CEMIP: variants seen among roughly 807,000 people sequenced by gnomAD.
CEMIP encodes cell migration inducing hyaluronidase 1.
CEMIP carries 105 observed loss-of-function variants against 156.9 expected under a neutral mutation model. The ratio of observed to expected loss-of-function variants is 0.67; its 90% confidence interval spans 0.57 to 0.79. The LOEUF is 0.79. Ranked by LOEUF, CEMIP falls within the 30% of genes least tolerant of loss-of-function variation. The pLI is 0.00. For missense variants in CEMIP, 1,457 were observed against 1,769.4 expected (o/e 0.82, Z 3.17); for synonymous variants, 676 against 668.4 (o/e 1.01, Z -0.17).
intron 14 of CEMIP, among the ~76,000 whole-genome samples, chr15:80,916,571 T>C: frequency 6.6e-6 from 1 of 152,246 alleles, no homozygotes; most frequent in Admixed American, 6.5e-5. Flanking sequence ...CTACTATTTA[T>C]GTATCTGCTA....
At chr15:80,831,304 T>C (rs1359432606) in intron 1 of CEMIP, among the ~76,000 whole-genome samples, 1 of 151,968 alleles carries the variant, frequency 6.6e-6, no homozygotes, top group Admixed American at 6.6e-5. Context: ...AGAGAAAGCA[T>C]GGGTGGCTGG....
intron 14 of CEMIP, among the ~76,000 whole-genome samples, chr15:80,916,855 T>C (rs1507662): frequency 0.73 from 111,245 of 152,010 alleles, 43,973 homozygotes; most frequent in Non-Finnish European, 0.87. Flanking sequence ...ATTCTGTGTG[T>C]CATCGTCACC....
chr15:80,780,959 C>T (rs936966661), intron 1 of CEMIP, among the ~76,000 whole-genome samples: 1 of 152,222 alleles, frequency 6.6e-6, no homozygotes, highest in Admixed American at 6.5e-5. Flanking sequence ...CCTCAGGAGT[C>T]TGTGGTTTGT....
intron 1 of CEMIP, among the ~76,000 whole-genome samples, chr15:80,798,093 C>T (rs1437507453): frequency 6.6e-6 from 1 of 151,988 alleles, no homozygotes; most frequent in African/African-American, 2.4e-5. Context: ...ACACATTTTT[C>T]CATTATATAA....
intron 1 of CEMIP, among the ~76,000 whole-genome samples, chr15:80,857,017 G>A (rs1897868904): frequency 6.6e-6 from 1 of 152,186 alleles, no homozygotes; most frequent in African/African-American, 2.4e-5. Context: ...AAACCAGAGT[G>A]GTTTCTACAA....
At position 80,873,897 on chromosome 15, in the gene CEMIP, G is replaced by T; in HGVS notation, c.18G>T (p.Arg6Ser). MGAAG[R>S]QDFLFKAMLT... is the part of the protein sequence containing the mutation. ...CTGCCAGGATGGGAGCTGCTGGGAGGCAGGACTTCCTCTTCAAGGCCATGC... is the reference window on the plus strand; with the variant it reads ...CTGCCAGGATGGGAGCTGCTGGGAGTCAGGACTTCCTCTTCAAGGCCATGC... The change falls in exon 3 of 30, where the codon AGG becomes AGT. Residue 6 changes from arginine to serine, a missense_variant. Arg to Ser is a moderately radical substitution (Grantham distance 110). Around this residue, in one of 5 missense-constraint regions of CEMIP, gnomAD observed 309 missense variants for 340.8 expected, o/e 0.91. Coordinates refer to ENST00000394685, the MANE Select transcript of CEMIP (RefSeq NM_001293298.2). The T allele has an allele frequency of 6.3e-7, 1 of 1,579,772 alleles. No individual in the cohort carries two copies. The highest frequency in any genetic ancestry group is 8.6e-7 in the Non-Finnish European group (1 of 1,161,158).
Position 80,947,008 on chromosome 15 carries a change from G to C in CEMIP, c.3901G>C (p.Gly1301Arg), listed in dbSNP as rs775476896. The C allele has an allele frequency of 6.2e-7, 1 of 1,613,970 alleles. No individual in the cohort carries two copies. The highest frequency in any genetic ancestry group is 1.3e-5 in the African/African-American group (1 of 74,918). ...MASKGRYVSR[G>R]PWTRVLEKLG... is the part of the protein sequence containing the mutation. ...ATCAAAGGGAAGATACGTCTCCAGA[G>C]GCCCATGGACCAGAGTGCTGGAAAA... Residue 1301 changes from glycine (G) to arginine (R), a missense_variant, in exon 29 of 30, where the codon GGC (glycine) becomes CGC (arginine). This residue lies in a region of CEMIP where 798 missense variants were observed against 980.1 expected (regional missense o/e 0.81). Coordinates refer to ENST00000394685, the MANE Select transcript of CEMIP (RefSeq NM_001293298.2).
chr15:80,791,588 A>C (rs1023011131), intron 1 of CEMIP, among the ~76,000 whole-genome samples: 12 of 152,110 alleles, frequency 7.9e-5, no homozygotes, highest in Admixed American at 7.2e-4. Context: ...CCCTTGAGGA[A>C]AATTTTCCGA....
chr15:80,813,614 G>A (rs1896721467), intron 1 of CEMIP, among the ~76,000 whole-genome samples: 1 of 151,950 alleles, frequency 6.6e-6, no homozygotes, highest in Non-Finnish European at 1.5e-5. Context: ...CCAAAATGCT[G>A]GGATTACAGG....
intron 1 of CEMIP, among the ~76,000 whole-genome samples, chr15:80,821,162 G>T (rs554266218): frequency 6.6e-6 from 1 of 152,210 alleles, no homozygotes; most frequent in Non-Finnish European, 1.5e-5. Flanking sequence ...GGAAATAGCT[G>T]CTGGCAGGAT....
intron 1 of CEMIP, among the ~76,000 whole-genome samples, chr15:80,853,107 G>A (rs575981690): frequency 6.6e-6 from 1 of 152,344 alleles, no homozygotes; most frequent in South Asian, 2.1e-4. Flanking sequence ...AGAAATCTAT[G>A]CAGAAAAGTG....
Position 80,839,289 on chromosome 15 carries a change from AGT to A in CEMIP, c.-175-34208_-175-34207del, listed in dbSNP as rs34172431. ...TGAAGGCTGTGGAGTCAAGGCCGTG[AGT>A]GTGTGTGTGTGTGTGTGTGTGTGTG... On this transcript the variant is annotated intron_variant, in intron 1 of 29. Transcript: ENST00000394685. 9.7e-3 allele frequency among the ~76,000 whole-genome samples: 1,271 copies of A among 131,154 alleles called. 16 individuals carry two copies. Among genetic ancestry groups the A allele is most frequent in the African/African-American group, 0.028 (914 of 32,644 alleles). The allele number at this position is 131,154 out of a possible 152,430, so 86.0% of individuals were successfully genotyped here.
intron 1 of CEMIP, among the ~76,000 whole-genome samples, chr15:80,803,124 A>G (rs1896420313): frequency 1.3e-5 from 2 of 152,150 alleles, no homozygotes; most frequent in Admixed American, 1.3e-4. Flanking sequence ...CCTCAGCTCA[A>G]TTGTGAACTG....
At chr15:80,929,285 AC>A in intron 21 of CEMIP, 111 bp downstream of exon 21, 2 of 1,329,718 alleles carry the variant, frequency 1.5e-6, no homozygotes, top group Non-Finnish European at 2.2e-6. Context: ...GAATTCTTCT[AC>A]CAGCCAGAGG....
At chr15:80,928,797 G>T in intron 19 of CEMIP, 105 bp from the exon 20 acceptor site, 1 of 1,380,868 alleles carries the variant, frequency 7.2e-7, no homozygotes, top group South Asian at 1.2e-5. Context: ...TCCTCTGCAC[G>T]GTATTCAGTT....
intron 1 of CEMIP, among the ~76,000 whole-genome samples, chr15:80,865,986 G>A (rs985797298): frequency 4.6e-5 from 7 of 152,176 alleles, no homozygotes; most frequent in African/African-American, 1.2e-4. Context: ...GGCCGCCCAC[G>A]GGCTAACGAT....
chr15:80,951,605 T>C lies in CEMIP; in HGVS notation c.*2681T>C, dbSNP rs1260123640. 3.3e-5 allele frequency: 5 copies of C among 152,670 alleles called. No homozygotes were observed. The highest frequency in any genetic ancestry group is 7.3e-5 in the Non-Finnish European group (5 of 68,048). 9.5% of individuals were successfully genotyped at this position (152,670 alleles called of 1,614,324 possible). A position where few individuals can be genotyped will look rare whatever the true frequency, so the allele number is the denominator to read the frequency against. ...AGATATATTTTCTATTTATTTATTA[T>C]ATGTGCACTTCAAGAAGTCACTGTC... On this transcript the variant is annotated 3_prime_UTR_variant, in exon 30 of 30. Coordinates refer to ENST00000394685, the MANE Select transcript of CEMIP (RefSeq NM_001293298.2).
intron 25 of CEMIP, chr15:80,938,315 G>C: frequency 3.3e-6 from 1 of 307,602 alleles, no homozygotes; most frequent in South Asian, 2.9e-5. Flanking sequence ...TGGAGCAGAG[G>C]ATTAAGAGAT....
At chr15:80,843,990 G>GA (rs1176565518) in intron 1 of CEMIP, among the ~76,000 whole-genome samples, 2 of 152,238 alleles carry the variant, frequency 1.3e-5, no homozygotes, top group Non-Finnish European at 2.9e-5. Flanking sequence ...AGCCAGTTGA[G>GA]AATGCAGCCC....
Sources: gnomAD v4.1 joint callset for allele counts (sites outside exome capture counted in the v4.1 genomes callset) on GRCh38, gnomAD v4.1.1 for gene constraint, gnomAD v4.1.1 regional missense constraint, MANE v1.5 for transcripts, NCBI Gene and HGNC (gene_info 2026-07-23, HGNC 2026-07-21) for gene names.